The following AR variants were observed in gnomAD, a reference collection of about 807,000 sequenced individuals.
The protein encoded by AR is dihydrotestosterone receptor.
Under a neutral mutation model 53.9 loss-of-function variants are expected in AR, and 8 were observed. The observed-to-expected ratio is 0.15, with a 90% CI of 0.09 to 0.27. The LOEUF is 0.27. Among genes scored for constraint, AR ranks in the 10% least tolerant of loss-of-function variants. The pLI, the probability that AR is intolerant of heterozygous loss-of-function variation, is 1.00. For synonymous variants in AR, 359 were observed against 316.4 expected, an observed-to-expected ratio of 1.13 and a Z score of -1.43; for missense variants, 639 against 742.5, an observed-to-expected ratio of 0.86 and a Z score of 1.62.
At chrX:67,605,366 T>C (rs758374451) in intron 1 of AR, among the ~76,000 whole-genome samples, 1 of 112,610 alleles carries the variant, frequency 8.9e-6, no homozygotes, top group Non-Finnish European at 1.9e-5. Context: ...CAATGTATTG[T>C]AGAGCACTAA....
At chrX:67,583,075 A>G (rs777922262) in intron 1 of AR, among the ~76,000 whole-genome samples, 1 of 111,748 alleles carries the variant, frequency 8.9e-6, no homozygotes, top group African/African-American at 3.2e-5. Flanking sequence ...ATAACTTTGT[A>G]CAGAACCCTT....
chrX:67,676,587 A>G (rs1054340819), intron 2 of AR, among the ~76,000 whole-genome samples: 3 of 111,709 alleles, frequency 2.7e-5, no homozygotes, highest in Non-Finnish European at 3.8e-5. Context: ...CAAGGTTACT[A>G]AAAGCCTGTG....
At chrX:67,634,148 G>C (rs1925312225) in intron 1 of AR, among the ~76,000 whole-genome samples, 1 of 111,332 alleles carries the variant, frequency 9.0e-6, no homozygotes, top group Admixed American at 9.6e-5. Flanking sequence ...AGTAAGGGTG[G>C]GGAAATAGTC....
intron 2 of AR, among the ~76,000 whole-genome samples, chrX:67,650,574 C>CATTGTAA (rs1926287449): frequency 8.9e-6 from 1 of 112,474 alleles, no homozygotes; most frequent in Non-Finnish European, 1.9e-5. Flanking sequence ...GAGAAGCCAT[C>CATTGTAA]ATTGTAAAAC....
At chrX:67,673,867 G>A (rs2075882447) in intron 2 of AR, among the ~76,000 whole-genome samples, 1 of 111,070 alleles carries the variant, frequency 9.0e-6, no homozygotes, top group Admixed American at 9.6e-5. Flanking sequence ...TTCAGTGTCT[G>A]AGCATTGAAA....
chrX:67,576,094 TG>T (rs1407202594), intron 1 of AR, among the ~76,000 whole-genome samples: 2 of 111,296 alleles, frequency 1.8e-5, no homozygotes, highest in African/African-American at 6.5e-5. Context: ...TGCCAAACTA[TG>T]GAGGGTGGGA....
At chrX:67,698,611 C>A (rs113044988) in intron 3 of AR, among the ~76,000 whole-genome samples, 1 of 112,357 alleles carries the variant, frequency 8.9e-6, no homozygotes, top group Non-Finnish European at 1.9e-5. Flanking sequence ...TCTAGCTTCA[C>A]AAAGAATTTG....
intron 7 of AR, among the ~76,000 whole-genome samples, chrX:67,723,347 T>TCA (rs1569316257): frequency 2.9e-4 from 29 of 101,678 alleles, no homozygotes; most frequent in African/African-American, 9.9e-4. Flanking sequence ...TGTGTGTGTG[T>TCA]GTGTGTCAGA....
intron 3 of AR, among the ~76,000 whole-genome samples, chrX:67,699,435 C>T (rs762882123): frequency 1.2e-4 from 14 of 112,191 alleles, no homozygotes; most frequent in South Asian, 3.7e-4. Flanking sequence ...TGGACCCCAA[C>T]GCCTTCAAAG....
chrX:67,687,568 T>A (rs981127370), intron 3 of AR, among the ~76,000 whole-genome samples: 2 of 111,450 alleles, frequency 1.8e-5, no homozygotes, highest in Non-Finnish European at 3.8e-5. Flanking sequence ...AGGTCTACAG[T>A]GGAGAAGAAG....
intron 1 of AR, among the ~76,000 whole-genome samples, chrX:67,631,924 G>A (rs1415176462): frequency 8.8e-6 from 1 of 113,054 alleles, no homozygotes; most frequent in East Asian, 2.8e-4. Flanking sequence ...TGCCCCTGCT[G>A]GGGGGTGCCT....
intron 2 of AR, among the ~76,000 whole-genome samples, chrX:67,671,073 T>G (rs1602242883): frequency 8.9e-6 from 1 of 112,042 alleles, no homozygotes; most frequent in African/African-American, 3.2e-5. Context: ...ACGTGTGCAT[T>G]TGTCTTTATA....
intron 1 of AR, among the ~76,000 whole-genome samples, chrX:67,625,376 G>C (rs1924580142): frequency 9.0e-6 from 1 of 111,121 alleles, no homozygotes; most frequent in Admixed American, 9.6e-5. Context: ...AATACTGGCT[G>C]TTTTCTTAGC....
In AR at chrX:67,724,184, C is replaced by T. The variant is rs1406898593; in HGVS notation, c.*343C>T. On this transcript the variant is annotated 3_prime_UTR_variant, in exon 8 of 8. Transcript: ENST00000374690. ...AGTTGTGCTTGTTTACAGCACTACT[C>T]TGTGCCAGCCACACAAACGTTTACT... 3.6e-5 allele frequency: 8 copies of T among 219,925 alleles called. No homozygotes were observed. Among genetic ancestry groups the T allele is most frequent in the African/African-American group, 2.0e-4 (7 of 34,628 alleles). The allele number at this position is 219,925 out of a possible 1,213,427, so 18.1% of individuals were successfully genotyped here.
In AR at chrX:67,729,578, G is replaced by C. The variant is rs1475601581; in HGVS notation, c.*5737G>C. ...TGATTCCAATTCAGTATAGCAAGGTGCTAGGTTTTTTCCTTTCCCCACCTG... is the reference window on the plus strand; with the variant it reads ...TGATTCCAATTCAGTATAGCAAGGTCCTAGGTTTTTTCCTTTCCCCACCTG... On this transcript the variant is annotated 3_prime_UTR_variant, in exon 8 of 8. Coordinates refer to ENST00000374690, the MANE Select transcript of AR (RefSeq NM_000044.6). 5.8e-6 allele frequency: 1 copy of C among 172,898 alleles called. No individual in the cohort carries two copies. Among genetic ancestry groups the C allele is most frequent in the African/African-American group, 3.0e-5 (1 of 33,788 alleles). 14.2% of individuals were successfully genotyped at this position (172,898 alleles called of 1,213,427 possible).
chrX:67,549,021 G>T (rs1929887337), intron 1 of AR, among the ~76,000 whole-genome samples: 1 of 111,892 alleles, frequency 8.9e-6, no homozygotes, highest in Non-Finnish European at 1.9e-5. Flanking sequence ...CCGGTTTATT[G>T]AAAATTAATC....
In AR at chrX:67,630,322, C is replaced by G. The variant is rs774768728; in HGVS notation, c.1617-12934C>G. Among the ~76,000 whole-genome samples, 318 of 111,395 alleles carry G rather than the reference C, an allele frequency of 2.9e-3. 1 individual carries two copies. Among genetic ancestry groups the G allele is most frequent in the African/African-American group, 9.8e-3 (301 of 30,601 alleles). On this transcript the variant is annotated intron_variant, in intron 1 of 7. Coordinates refer to ENST00000374690, the MANE Select transcript of AR (RefSeq NM_000044.6). ...ACTTGCTTTATGAATCTGGGTGCTC[C>G]TGTATTGGGTGCATATATATTTAGG...
intron 4 of AR, among the ~76,000 whole-genome samples, chrX:67,715,545 C>T (rs780703355): frequency 1.3e-4 from 14 of 111,721 alleles, no homozygotes; most frequent in Non-Finnish European, 1.7e-4. Context: ...CAGACCTGAT[C>T]CTATGGCTGA....
At position 67,711,599 on chromosome X, in the gene AR, C is replaced by T. The variant is rs372903533; in HGVS notation, c.2083C>T (p.Pro695Ser). The T allele has an allele frequency of 8.3e-7, 1 of 1,209,550 alleles. No individual in the cohort carries two copies. The highest frequency in any genetic ancestry group is 1.1e-6 in the Non-Finnish European group (1 of 894,972). ...VVCAGHDNNQ[P>S]DSFAALLSSL... ...GTGTGCTGGACACGACAACAACCAG[C>T]CCGACTCCTTTGCAGCCTTGCTCTC... The change falls in exon 4 of 8, where the codon CCC becomes TCC. Residue 695 changes from proline (P) to serine (S), a missense_variant. Pro to Ser is a moderately conservative substitution (Grantham distance 74, BLOSUM62 -1). Transcript: ENST00000374690.
Sources: allele counts gnomAD v4.1 joint callset (sites outside exome capture counted in the v4.1 genomes callset), GRCh38; gene constraint gnomAD v4.1.1; transcripts MANE v1.5; gene names NCBI Gene and HGNC (gene_info 2026-07-23, HGNC 2026-07-21).